The following GULP1 variants were observed in gnomAD, a reference collection of about 807,000 sequenced individuals.
The protein encoded by GULP1 is PTB domain-containing engulfment adapter protein 1.
Under a neutral mutation model 40.9 loss-of-function variants are expected in GULP1, and 19 were observed. The ratio of observed to expected loss-of-function variants is 0.46; its 90% CI spans 0.32 to 0.68. GULP1 has a LOEUF of 0.68. Ranked by LOEUF, GULP1 falls within the 30% of genes least tolerant of loss-of-function variation. The pLI is 0.03. For missense variants in GULP1, 312 were observed against 362.2 expected (o/e 0.86, Z 1.12); for synonymous variants, 119 against 117.6 (o/e 1.01, Z -0.08).
chr2:188,363,395 A>G (rs562544048), intron 1 of GULP1, among the ~76,000 whole-genome samples: 1 of 152,216 alleles, frequency 6.6e-6, no homozygotes, highest in South Asian at 2.1e-4. Context: ...AATTGACTAG[A>G]GTTTAGTTTA....
intron 2 of GULP1, among the ~76,000 whole-genome samples, chr2:188,440,259 G>C (rs1258589271): frequency 6.6e-6 from 1 of 152,194 alleles, no homozygotes; most frequent in Non-Finnish European, 1.5e-5. Flanking sequence ...GAGGATAACT[G>C]TTAAAGCTTC....
intron 4 of GULP1, among the ~76,000 whole-genome samples, chr2:188,510,836 T>TG (rs1347881441): frequency 2.0e-5 from 3 of 151,018 alleles, no homozygotes; most frequent in Admixed American, 6.6e-5. Context: ...AACAAAAACT[T>TG]GCGTATGTGT....
intron 1 of GULP1, among the ~76,000 whole-genome samples, chr2:188,324,190 C>T (rs1156571755): frequency 3.9e-5 from 6 of 152,088 alleles, no homozygotes; most frequent in African/African-American, 1.2e-4. Flanking sequence ...TCAGAACCCT[C>T]ATGCTACTCA....
At chr2:188,343,067 A>G (rs1194621778) in intron 1 of GULP1, among the ~76,000 whole-genome samples, 3 of 152,180 alleles carry the variant, frequency 2.0e-5, no homozygotes, top group African/African-American at 7.2e-5. Context: ...AATTGGAAGC[A>G]CCTTAGAGAG....
intron 2 of GULP1, among the ~76,000 whole-genome samples, chr2:188,477,008 T>C (rs2061067322): frequency 6.6e-6 from 1 of 152,116 alleles, no homozygotes; most frequent in Admixed American, 6.6e-5. Flanking sequence ...GTAACCCTCA[T>C]AGTGAATACA....
At chr2:188,401,592 A>G (rs907880535) in intron 2 of GULP1, among the ~76,000 whole-genome samples, 1 of 150,020 alleles carries the variant, frequency 6.7e-6, no homozygotes, top group Non-Finnish European at 1.5e-5. Context: ...GATTTATGAG[A>G]AAAAAAAGTT....
intron 1 of GULP1, among the ~76,000 whole-genome samples, chr2:188,374,366 C>T (rs918368801): frequency 2.6e-5 from 4 of 152,030 alleles, no homozygotes; most frequent in African/African-American, 9.7e-5. Context: ...TGGCAGACAA[C>T]CAATTAAAAC....
At chr2:188,478,434 T>A (rs2061202234) in intron 3 of GULP1, among the ~76,000 whole-genome samples, 1 of 152,098 alleles carries the variant, frequency 6.6e-6, no homozygotes, top group Non-Finnish European at 1.5e-5. Context: ...TCAAAGGAGT[T>A]CTCTAGTGGA....
chr2:188,376,181 A>T (rs1422662784), intron 1 of GULP1, among the ~76,000 whole-genome samples: 2 of 152,312 alleles, frequency 1.3e-5, no homozygotes, highest in East Asian at 3.9e-4. Context: ...TAAATGATAA[A>T]CTAAATGCAA....
intron 2 of GULP1, among the ~76,000 whole-genome samples, chr2:188,420,284 T>G (rs183852550): frequency 3.9e-5 from 6 of 152,226 alleles, no homozygotes; most frequent in Non-Finnish European, 5.9e-5. Context: ...AGTATGAATA[T>G]TTTAACAATA....
In GULP1 at chr2:188,593,987, C is replaced by T. The variant is rs768798832; in HGVS notation, c.891C>T (p.Leu297=). 5.0e-6 allele frequency: 8 copies of T among 1,598,220 alleles called. No homozygotes were observed. Among genetic ancestry groups the T allele is most frequent in the South Asian group, 2.2e-5 (2 of 90,544 alleles). Residue 297 remains leucine (L), a synonymous_variant, in exon 12 of 12, where the codon CTC becomes CTT. Transcript: ENST00000409830. The part of the protein sequence containing the change: ...GLTLEGTVFC[L]DPLDSRC ...CTCTTGAAGGCACAGTATTTTGTCT[C>T]GACCCGTTAGACAGTAGGTGCTGAC...
intron 1 of GULP1, among the ~76,000 whole-genome samples, chr2:188,316,114 G>A (rs1186726670): frequency 6.6e-6 from 1 of 152,116 alleles, no homozygotes; most frequent in East Asian, 1.9e-4. Context: ...TTTATTTATT[G>A]CTCTGAATAG....
At chr2:188,476,293 G>C (rs372678885) in intron 2 of GULP1, among the ~76,000 whole-genome samples, 1 of 152,112 alleles carries the variant, frequency 6.6e-6, no homozygotes, top group African/African-American at 2.4e-5. Flanking sequence ...GAGACTTAGA[G>C]TGGAATGGGG....
chr2:188,532,397 G>T (rs756589392), intron 6 of GULP1, among the ~76,000 whole-genome samples: 1 of 152,040 alleles, frequency 6.6e-6, no homozygotes, highest in South Asian at 2.1e-4. Context: ...TGCTTAAAGC[G>T]CTACAAGATG....
chr2:188,536,617 G>A (rs1389118859), intron 6 of GULP1, among the ~76,000 whole-genome samples: 4 of 152,020 alleles, frequency 2.6e-5, no homozygotes, highest in Non-Finnish European at 5.9e-5. Flanking sequence ...CGGGTAATGT[G>A]ATGCCTCCAG....
intron 2 of GULP1, among the ~76,000 whole-genome samples, chr2:188,414,383 T>C (rs2054312391): frequency 6.6e-6 from 1 of 152,202 alleles, no homozygotes; most frequent in Non-Finnish European, 1.5e-5. Context: ...AAAATAGGAA[T>C]ATTAACCACA....
In GULP1 at chr2:188,383,909, T is replaced by G. The variant is rs1331060473; in HGVS notation, c.-45+20T>G. ...ACCCAGGTAAGAATAAATGATTGTT[T>G]ATACATTTTCCATTATTTCCAAAAA... is the stretch of plus-strand genomic sequence containing the variant. On this transcript the variant is annotated intron_variant, in intron 2 of 11. Transcript: ENST00000409830. 1.3e-5 allele frequency: 2 copies of G among 152,200 alleles called. No individual in the cohort carries two copies. Among genetic ancestry groups the G allele is most frequent in the African/African-American group, 4.8e-5 (2 of 41,466 alleles). 9.4% of individuals were successfully genotyped at this position (152,200 alleles called of 1,614,324 possible).
chr2:188,404,606 C>G (rs897224634), intron 2 of GULP1, among the ~76,000 whole-genome samples: 3 of 152,188 alleles, frequency 2.0e-5, no homozygotes, highest in Non-Finnish European at 2.9e-5. Flanking sequence ...GGACAGATCC[C>G]TCAGCCTCAG....
intron 4 of GULP1, among the ~76,000 whole-genome samples, chr2:188,497,561 T>G (rs1261681010): frequency 6.6e-6 from 1 of 151,972 alleles, no homozygotes; most frequent in Non-Finnish European, 1.5e-5. Flanking sequence ...GGGTATAAAT[T>G]AACAATCTTT....
Sources: gnomAD v4.1 joint callset for allele counts (sites outside exome capture counted in the v4.1 genomes callset) on GRCh38, gnomAD v4.1.1 for gene constraint, MANE v1.5 for transcripts, NCBI Gene and HGNC (gene_info 2026-07-23, HGNC 2026-07-21) for gene names.